The following MRTFB variants were observed in gnomAD, a reference collection of about 807,000 sequenced individuals.
MRTFB encodes myocardin-related transcription factor B.
MRTFB carries 29 observed loss-of-function variants against 104.2 expected under a neutral mutation model. The observed-to-expected ratio is 0.28, with a 90% CI of 0.21 to 0.38. MRTFB has a LOEUF of 0.38. MRTFB is among the 10% of genes least tolerant of loss of function. MRTFB has a pLI of 1.00. For missense variants in MRTFB, 1,270 were observed against 1,341.6 expected (o/e 0.95, Z 0.83); for synonymous variants, 535 against 519.5 (o/e 1.03, Z -0.41).
intron 8 of MRTFB, among the ~76,000 whole-genome samples, chr16:14,228,873 T>G (rs990793805): frequency 6.6e-6 from 1 of 151,900 alleles, no homozygotes; most frequent in Admixed American, 6.5e-5. Flanking sequence ...GTAGTAAAAA[T>G]CATAGAGGCA....
At chr16:14,026,437 A>G in the MRTFB span, among the ~76,000 whole-genome samples, 4 of 152,256 alleles carry the variant, frequency 2.6e-5, no homozygotes, top group East Asian at 5.8e-4. Flanking sequence ...ACATAAAATT[A>G]TAAAACTTTT....
At chr16:14,160,601 A>G (rs1250909384) in intron 3 of MRTFB, among the ~76,000 whole-genome samples, 1 of 152,164 alleles carries the variant, frequency 6.6e-6, no homozygotes, top group Non-Finnish European at 1.5e-5. Flanking sequence ...AATGATGATT[A>G]TTCCCTAAAT....
At chr16:14,021,117 C>A in the MRTFB span, 1 of 152,220 alleles carries the variant, frequency 6.6e-6, no homozygotes, top group Non-Finnish European at 1.5e-5. Flanking sequence ...TAAGATGACA[C>A]CCGTTTGTTA....
intron 2 of MRTFB, among the ~76,000 whole-genome samples, chr16:14,108,027 G>GT (rs202022425): frequency 0.014 from 2,095 of 152,278 alleles, 47 homozygotes; most frequent in African/African-American, 0.046. Context: ...CTTTTCTGCA[G>GT]TGGGTCCAGG....
chr16:14,117,961 A>C (rs2036627689), intron 2 of MRTFB, among the ~76,000 whole-genome samples: 1 of 152,178 alleles, frequency 6.6e-6, no homozygotes, highest in Non-Finnish European at 1.5e-5. Context: ...AATACAGAAA[A>C]ACATAGAGAA....
chr16:14,100,416 G>A (rs1032337002), intron 2 of MRTFB, among the ~76,000 whole-genome samples: 1 of 152,154 alleles, frequency 6.6e-6, no homozygotes, highest in African/African-American at 2.4e-5. Context: ...GTATCGCATG[G>A]TAAACCAGCC....
intron 2 of MRTFB, among the ~76,000 whole-genome samples, chr16:14,123,465 T>TA (rs1215661505): frequency 6.6e-6 from 1 of 152,194 alleles, no homozygotes; most frequent in Non-Finnish European, 1.5e-5. Flanking sequence ...GTATAAGATG[T>TA]AAGGAAGGGG....
chr16:14,007,258 T>A, the MRTFB span, among the ~76,000 whole-genome samples: 1 of 152,176 alleles, frequency 6.6e-6, no homozygotes, highest in Non-Finnish European at 1.5e-5. Context: ...CCTTTCTGTC[T>A]CTATAGAAAG....
At chr16:14,145,245 GTA>G (rs1024921783) in intron 3 of MRTFB, among the ~76,000 whole-genome samples, 2 of 151,636 alleles carry the variant, frequency 1.3e-5, no homozygotes, top group African/African-American at 4.8e-5. Context: ...TCAATACAAA[GTA>G]TTGTTTAGAT....
chr16:14,068,677 A>G (rs963749303), upstream of MRTFB, among the ~76,000 whole-genome samples: 2 of 152,190 alleles, frequency 1.3e-5, no homozygotes. Context: ...GGGGACAACC[A>G]TAACTTCCAC....
intron 10 of MRTFB, 77 bp downstream of exon 10, chr16:14,240,561 T>G (rs1244695744): frequency 6.2e-7 from 1 of 1,602,232 alleles, no homozygotes; most frequent in African/African-American, 1.3e-5. Context: ...TACCAAAAGT[T>G]GAATGTTGTC....
intron 2 of MRTFB, among the ~76,000 whole-genome samples, chr16:14,080,344 A>G (rs915753915): frequency 6.6e-6 from 1 of 152,110 alleles, no homozygotes; most frequent in Non-Finnish European, 1.5e-5. Context: ...CTTTTTTCCA[A>G]ATTTATTTAT....
At chr16:14,046,183 G>A in the MRTFB span, among the ~76,000 whole-genome samples, 4 of 152,224 alleles carry the variant, frequency 2.6e-5, no homozygotes, top group African/African-American at 4.8e-5. Flanking sequence ...GAATGAGGCC[G>A]GGTGTGGTGG....
chr16:14,091,994 C>CAAA (rs10523985), intron 2 of MRTFB, among the ~76,000 whole-genome samples: 7 of 82,070 alleles, frequency 8.5e-5, no homozygotes, highest in Admixed American at 1.6e-4. Flanking sequence ...GACTTCATCT[C>CAAA]AAAAAAAAAA....
At chr16:14,068,032 A>C (rs1048156204), upstream of MRTFB, among the ~76,000 whole-genome samples, 1 of 151,934 alleles carries the variant, frequency 6.6e-6, no homozygotes, top group Non-Finnish European at 1.5e-5. Flanking sequence ...GGGATTCAAC[A>C]TGTTGGCCAG....
At chr16:14,131,770 C>G (rs139663133) in intron 2 of MRTFB, among the ~76,000 whole-genome samples, 1,695 of 142,540 alleles carry the variant, frequency 0.012, 34 homozygotes, top group African/African-American at 0.046. Flanking sequence ...ACAAGGATAA[C>G]TATAATTTAA....
chr16:14,097,400 A>T (rs1187967596), intron 2 of MRTFB, among the ~76,000 whole-genome samples: 1 of 152,224 alleles, frequency 6.6e-6, no homozygotes, highest in Non-Finnish European at 1.5e-5. Context: ...CCCATCCAGT[A>T]GTAATTAACT....
At chr16:14,017,110 G>A in the MRTFB span, among the ~76,000 whole-genome samples, 1 of 142,712 alleles carries the variant, frequency 7.0e-6, no homozygotes, top group East Asian at 2.1e-4. Flanking sequence ...AGGCTGGAGT[G>A]CAGTGGAGCA....
intron 4 of MRTFB, 108 bp downstream of exon 4, chr16:14,210,416 AAAC>A: frequency 1.3e-6 from 1 of 777,814 alleles, no homozygotes; most frequent in Non-Finnish European, 2.0e-6. Context: ...TTTAATCAAC[AAAC>A]AATTACCAAA....
Sources: allele counts gnomAD v4.1 joint callset (sites outside exome capture counted in the v4.1 genomes callset), GRCh38; gene constraint gnomAD v4.1.1; transcripts MANE v1.5; gene names NCBI Gene and HGNC (gene_info 2026-07-23, HGNC 2026-07-21).